VAV3: variants seen among roughly 807,000 people sequenced by gnomAD.
VAV3 encodes the protein guanine nucleotide exchange factor VAV3.
Under a neutral mutation model 131.2 loss-of-function variants are expected in VAV3, and 94 were observed. The ratio of observed to expected loss-of-function variants is 0.72; its 90% CI spans 0.61 to 0.85. The LOEUF is 0.85. VAV3 is among the 40% of genes least tolerant of loss of function. VAV3 has a pLI of 0.00. For missense variants in VAV3, 939 were observed against 1,002.7 expected (o/e 0.94, Z 0.86); for synonymous variants, 349 against 342.0 (o/e 1.02, Z -0.22).
chr1:107,940,473 T>C (rs1673932427), intron 1 of VAV3, among the ~76,000 whole-genome samples: 1 of 152,184 alleles, frequency 6.6e-6, no homozygotes, highest in African/African-American at 2.4e-5. Context: ...ATTTGAAAGA[T>C]AGAGAAGGTT....
intron 21 of VAV3, among the ~76,000 whole-genome samples, chr1:107,610,369 G>A (rs1259768831): frequency 6.6e-6 from 1 of 151,968 alleles, no homozygotes; most frequent in Non-Finnish European, 1.5e-5. Context: ...TACACTGGAT[G>A]TGGGTATTTA....
intron 19 of VAV3, among the ~76,000 whole-genome samples, chr1:107,677,424 C>T (rs1229013338): frequency 1.3e-5 from 2 of 152,126 alleles, no homozygotes; most frequent in Non-Finnish European, 2.9e-5. Flanking sequence ...TAAGAAATTA[C>T]TGACTTTTCT....
At chr1:107,633,119 A>T (rs1485650843) in intron 20 of VAV3, among the ~76,000 whole-genome samples, 1 of 152,212 alleles carries the variant, frequency 6.6e-6, no homozygotes, top group Admixed American at 6.5e-5. Flanking sequence ...GGAAATAATG[A>T]ATCTCAAAAC....
At position 107,963,695 on chromosome 1, in the gene VAV3, T is replaced by C. The variant is rs946635951; in HGVS notation, c.204+971A>G. ...GTCATAGAGGATTAGTGCTGAAATG[T>C]GTCAGGGAGAGGGCTCTGTCCTCTC... On this transcript the variant is annotated intron_variant, in intron 1 of 26. Transcript: ENST00000370056. 7 of 152,344 alleles carry C rather than the reference T, an allele frequency of 4.6e-5. No homozygotes were observed. In the East Asian group the frequency reaches 1.2e-3, roughly 25 times the overall value. The allele number at this position is 152,344 out of a possible 1,614,324, so 9.4% of individuals were successfully genotyped here.
intron 1 of VAV3, among the ~76,000 whole-genome samples, chr1:107,959,485 C>G (rs1231325634): frequency 6.6e-6 from 1 of 152,068 alleles, no homozygotes; most frequent in East Asian, 1.9e-4. Context: ...TTTAAATCTT[C>G]TATCCTCAGT....
intron 25 of VAV3, among the ~76,000 whole-genome samples, chr1:107,579,753 AT>A (rs1649903764): frequency 6.6e-6 from 1 of 152,214 alleles, no homozygotes; most frequent in Non-Finnish European, 1.5e-5. Context: ...CTTGGCCTGA[AT>A]TCCATGACAA....
intron 12 of VAV3, among the ~76,000 whole-genome samples, chr1:107,753,420 A>T (rs138583042): frequency 0.014 from 2,088 of 151,140 alleles, 44 homozygotes; most frequent in African/African-American, 0.048. Flanking sequence ...GAAAATAATT[A>T]GAATGGCAAA....
chr1:107,638,354 A>G (rs962782021), intron 20 of VAV3, among the ~76,000 whole-genome samples: 2 of 152,226 alleles, frequency 1.3e-5, no homozygotes, highest in Non-Finnish European at 2.9e-5. Flanking sequence ...AGAATAAGAG[A>G]TCAACATACA....
intron 1 of VAV3, among the ~76,000 whole-genome samples, chr1:107,894,236 C>A (rs1447501052): frequency 7.2e-5 from 11 of 152,180 alleles, no homozygotes. Flanking sequence ...ACACAGATCA[C>A]TTTGAGAAAA....
intron 2 of VAV3, among the ~76,000 whole-genome samples, chr1:107,816,086 C>A (rs1570992043): frequency 1.3e-5 from 2 of 152,202 alleles, no homozygotes; most frequent in African/African-American, 2.4e-5. Flanking sequence ...ATCCACCCCT[C>A]ACCTCCTGCT....
intron 15 of VAV3, among the ~76,000 whole-genome samples, chr1:107,739,065 C>A (rs1187089904): frequency 6.6e-6 from 1 of 152,212 alleles, no homozygotes; most frequent in African/African-American, 2.4e-5. Flanking sequence ...TTAGTTTTAA[C>A]CAGGGTAATG....
chr1:107,813,720 T>C (rs573121293), intron 2 of VAV3, among the ~76,000 whole-genome samples: 2 of 152,308 alleles, frequency 1.3e-5, no homozygotes, highest in Middle Eastern at 3.4e-3. Flanking sequence ...TCTAACTGTA[T>C]GCTTGTGCCC....
rs750759596 is a variant in VAV3, at chr1:107,796,804, A to ATAT, written c.322-17313_322-17312insATA. Among the ~76,000 whole-genome samples the ATAT allele has an allele frequency of 1.5e-3, 213 of 144,444 alleles. 3 individuals are homozygous for ATAT. The highest frequency in any genetic ancestry group is 3.9e-3 in the East Asian group (20 of 5,066). The allele number at this position is 144,444 out of a possible 152,430, so 94.8% of individuals were successfully genotyped here. The stretch of plus-strand genomic sequence containing the variant: ...GCTGTTATTTGTAAAAAAAAAAAAA[A>ATAT]ATATATATATATATGCAAATTTACC... On this transcript the variant is annotated intron_variant, in intron 2 of 26. Coordinates refer to ENST00000370056, the MANE Select transcript of VAV3 (RefSeq NM_006113.5).
chr1:107,795,560 A>C (rs1355455147), intron 2 of VAV3, among the ~76,000 whole-genome samples: 3 of 152,208 alleles, frequency 2.0e-5, no homozygotes, highest in Non-Finnish European at 4.4e-5. Flanking sequence ...GCCCTGTCAA[A>C]ATATGGCATA....
intron 25 of VAV3, among the ~76,000 whole-genome samples, chr1:107,594,368 T>C (rs979844207): frequency 1.3e-5 from 2 of 152,086 alleles, no homozygotes; most frequent in Admixed American, 6.6e-5. Context: ...AACGAATGAA[T>C]GAATAATTGA....
chr1:107,873,500 G>A (rs111437387), intron 2 of VAV3, among the ~76,000 whole-genome samples: 10 of 152,070 alleles, frequency 6.6e-5, no homozygotes, highest in African/African-American at 1.2e-4. Flanking sequence ...AGGAACAGGC[G>A]GAAGGATAAA....
chr1:107,771,150 C>A (rs749952656), intron 5 of VAV3, among the ~76,000 whole-genome samples: 35 of 151,896 alleles, frequency 2.3e-4, no homozygotes, highest in Non-Finnish European at 4.3e-4. Context: ...TACTGCTTGA[C>A]TTTTTAACTA....
At chr1:107,714,428 T>G (rs1319310975) in intron 15 of VAV3, among the ~76,000 whole-genome samples, 1 of 152,176 alleles carries the variant, frequency 6.6e-6, no homozygotes, top group East Asian at 1.9e-4. Context: ...CTGATCCTTT[T>G]ATACCTAAAG....
At position 107,933,738 on chromosome 1, in the gene VAV3, C is replaced by T. The variant is rs1477911581; in HGVS notation, c.204+30928G>A. On this transcript the variant is annotated intron_variant, in intron 1 of 26. Coordinates refer to ENST00000370056, the MANE Select transcript of VAV3 (RefSeq NM_006113.5). ...GGCTGAGGTGGGAGGATGGCTTGAG[C>T]CCAGGAATTCAAGGCTTCAGTGAGC... 2.7e-5 allele frequency among the ~76,000 whole-genome samples: 4 copies of T among 150,392 alleles called. No individual in the cohort carries two copies. The East Asian group carries it at 7.8e-4, about 29-fold the overall frequency.
Sources: allele counts gnomAD v4.1 joint callset (sites outside exome capture counted in the v4.1 genomes callset), GRCh38; gene constraint gnomAD v4.1.1; transcripts MANE v1.5; gene names NCBI Gene and HGNC (gene_info 2026-07-23, HGNC 2026-07-21).